The following TAFA4 variants were observed in gnomAD, a reference collection of about 807,000 sequenced individuals.
TAFA4 encodes chemokine-like protein TAFA-4.
Under a neutral mutation model 21.1 loss-of-function variants are expected in TAFA4, and 20 were observed. The ratio of observed to expected loss-of-function variants is 0.95; its 90% CI spans 0.67 to 1.38. The LOEUF (loss-of-function observed/expected upper bound fraction) is 1.38, where lower values mean the gene tolerates loss of function less well. Ranked by LOEUF, TAFA4 falls within the 40% of genes most tolerant of loss-of-function variation. The pLI is 0.00. For missense variants in TAFA4, 211 were observed against 180.9 expected (o/e 1.17, Z -0.95); for synonymous variants, 71 against 67.4 (o/e 1.05, Z -0.26).
At chr3:68,788,965 G>A (rs2106809546) in intron 3 of TAFA4, among the ~76,000 whole-genome samples, 1 of 152,170 alleles carries the variant, frequency 6.6e-6, no homozygotes, top group South Asian at 2.1e-4. Context: ...CTGGTGTGGT[G>A]GCTCACGCCT....
At position 68,764,163 on chromosome 3, in the gene TAFA4, G is replaced by C. The variant is rs551299235; in HGVS notation, c.131-11145C>G. Reference sequence around the variant, plus strand: ...TAATTAAGGTTAAATAGGTCATAAAGGTGGGGTCCTAATCTGATAGCACAA... The same window carrying C: ...TAATTAAGGTTAAATAGGTCATAAACGTGGGGTCCTAATCTGATAGCACAA... On this transcript the variant is annotated intron_variant, in intron 3 of 5. Transcript: ENST00000295569. Among the ~76,000 whole-genome samples, 6 of 152,168 alleles carry C rather than the reference G, an allele frequency of 3.9e-5. No individual in the cohort carries two copies. In the East Asian group the frequency reaches 7.7e-4, roughly 20 times the overall value.
At chr3:68,820,413 T>G (rs1704087421) in intron 3 of TAFA4, among the ~76,000 whole-genome samples, 1 of 152,136 alleles carries the variant, frequency 6.6e-6, no homozygotes. Flanking sequence ...GCACGGTAGC[T>G]GACGCCTGCA....
At chr3:68,752,606 G>A (rs1702576258) in intron 4 of TAFA4, among the ~76,000 whole-genome samples, 1 of 152,142 alleles carries the variant, frequency 6.6e-6, no homozygotes, top group Non-Finnish European at 1.5e-5. Context: ...GGAGACAGGT[G>A]GGTAAAAGGA....
At chr3:68,759,670 C>T (rs1702725752) in intron 3 of TAFA4, among the ~76,000 whole-genome samples, 1 of 152,130 alleles carries the variant, frequency 6.6e-6, no homozygotes, top group African/African-American at 2.4e-5. Flanking sequence ...GAGGCCCCTG[C>T]AATAAGTGAG....
chr3:68,923,963 A>G (rs2090083243), intron 1 of TAFA4, among the ~76,000 whole-genome samples: 1 of 152,232 alleles, frequency 6.6e-6, no homozygotes, highest in Non-Finnish European at 1.5e-5. Context: ...AAGGGTGATG[A>G]TTGATTGTGT....
intron 3 of TAFA4, among the ~76,000 whole-genome samples, chr3:68,765,939 A>G (rs1481441765): frequency 6.6e-6 from 1 of 152,174 alleles, no homozygotes; most frequent in Non-Finnish European, 1.5e-5. Flanking sequence ...GTACTCAAAA[A>G]TAAGTCCATT....
chr3:68,922,219 C>T (rs973919385), intron 1 of TAFA4, among the ~76,000 whole-genome samples: 1 of 152,164 alleles, frequency 6.6e-6, no homozygotes, highest in South Asian at 2.1e-4. Context: ...TTGGAAGCAT[C>T]GGCACCTCAT....
At chr3:68,797,751 T>G (rs562894153) in intron 3 of TAFA4, among the ~76,000 whole-genome samples, 1 of 151,896 alleles carries the variant, frequency 6.6e-6, no homozygotes, top group Non-Finnish European at 1.5e-5. Context: ...GTCAAATTCA[T>G]AAAGACAGAA....
At chr3:68,804,247 A>T (rs1703637478) in intron 3 of TAFA4, among the ~76,000 whole-genome samples, 2 of 152,204 alleles carry the variant, frequency 1.3e-5, no homozygotes, top group African/African-American at 4.8e-5. Context: ...ATTATATAAA[A>T]GGTATCAGTT....
At chr3:68,738,267 A>C (rs924149426) in intron 5 of TAFA4, among the ~76,000 whole-genome samples, 1 of 152,206 alleles carries the variant, frequency 6.6e-6, no homozygotes, top group African/African-American at 2.4e-5. Context: ...TAGAGCAGCA[A>C]GAAGGAAGCG....
chr3:68,886,172 C>T (rs983127386), intron 1 of TAFA4, among the ~76,000 whole-genome samples: 3 of 152,278 alleles, frequency 2.0e-5, no homozygotes, highest in African/African-American at 4.8e-5. Context: ...TAAGAATCCA[C>T]CACCAAGCAC....
intron 4 of TAFA4, among the ~76,000 whole-genome samples, chr3:68,742,162 C>G (rs569984225): frequency 6.6e-6 from 1 of 152,228 alleles, no homozygotes; most frequent in South Asian, 2.1e-4. Context: ...TTCAACATCC[C>G]TTTATGATAA....
chr3:68,830,898 A>C (rs557933574), intron 3 of TAFA4, among the ~76,000 whole-genome samples: 1 of 152,186 alleles, frequency 6.6e-6, no homozygotes, highest in Admixed American at 6.5e-5. Context: ...TATATTTAGG[A>C]TAGTTAGCTC....
intron 3 of TAFA4, among the ~76,000 whole-genome samples, chr3:68,864,054 T>C (rs1445606042): frequency 1.3e-5 from 2 of 151,810 alleles, no homozygotes; most frequent in Non-Finnish European, 2.9e-5. Flanking sequence ...GACAAATATT[T>C]CTAAGACACC....
intron 3 of TAFA4, among the ~76,000 whole-genome samples, chr3:68,864,300 C>T (rs530826616): frequency 6.6e-6 from 1 of 152,058 alleles, no homozygotes; most frequent in Non-Finnish European, 1.5e-5. Flanking sequence ...ATAATTTGAA[C>T]ACACTTCACC....
At chr3:68,851,171 A>G (rs1213560387) in intron 3 of TAFA4, among the ~76,000 whole-genome samples, 1 of 152,204 alleles carries the variant, frequency 6.6e-6, no homozygotes, top group African/African-American at 2.4e-5. Context: ...TATAAAAAGG[A>G]ATGAGATCAT....
At chr3:68,845,192 T>C (rs1369734365) in intron 3 of TAFA4, among the ~76,000 whole-genome samples, 2 of 152,212 alleles carry the variant, frequency 1.3e-5, no homozygotes, top group South Asian at 2.1e-4. Flanking sequence ...ATCTGGGTGT[T>C]CCTGCAGTGG....
chr3:68,764,554 G>A (rs372274264), intron 3 of TAFA4, among the ~76,000 whole-genome samples: 19 of 152,224 alleles, frequency 1.2e-4, no homozygotes, highest in African/African-American at 3.4e-4. Flanking sequence ...CAAATCACTC[G>A]TGTTTCTGAA....
chr3:68,795,244 G>T (rs186825899), intron 3 of TAFA4, among the ~76,000 whole-genome samples: 1 of 151,126 alleles, frequency 6.6e-6, no homozygotes, highest in African/African-American at 2.4e-5. Flanking sequence ...AGGGTACAAC[G>T]CATTCTAGAT....
Sources: gnomAD v4.1 joint callset for allele counts (sites outside exome capture counted in the v4.1 genomes callset) on GRCh38, gnomAD v4.1.1 for gene constraint, MANE v1.5 for transcripts, NCBI Gene and HGNC (gene_info 2026-07-23, HGNC 2026-07-21) for gene names.